The following UNC13C variants were observed in gnomAD, a reference collection of about 807,000 sequenced individuals.
The protein encoded by UNC13C is unc-13 homolog C, also known as protein unc-13 homolog C.
UNC13C carries 174 observed loss-of-function variants against 245.4 expected under a neutral mutation model. The ratio of observed to expected loss-of-function variants is 0.71; its 90% CI spans 0.63 to 0.80. The LOEUF (loss-of-function observed/expected upper bound fraction) is 0.80, where lower values mean the gene tolerates loss of function less well. Ranked by LOEUF, UNC13C falls within the 30% of genes least tolerant of loss-of-function variation. The pLI is 0.00. For missense variants in UNC13C, 2,829 were observed against 2,602.9 expected, an observed-to-expected ratio of 1.09 and a Z score of -1.89; for synonymous variants, 992 against 895.1, an observed-to-expected ratio of 1.11 and a Z score of -1.93.
intron 24 of UNC13C, among the ~76,000 whole-genome samples, chr15:54,517,449 G>T (rs1235077110): frequency 6.6e-6 from 1 of 152,018 alleles, no homozygotes; most frequent in African/African-American, 2.4e-5. Context: ...TTAATGCCTG[G>T]GGTCTCAAGG....
chr15:53,992,123 A>G (rs968126742), intron 1 of UNC13C, among the ~76,000 whole-genome samples: 3 of 152,024 alleles, frequency 2.0e-5, no homozygotes, highest in African/African-American at 7.2e-5. Context: ...CATGCCTCCT[A>G]TGGGTCCTTG....
At chr15:54,308,620 A>G (rs2037786701) in intron 13 of UNC13C, among the ~76,000 whole-genome samples, 2 of 151,820 alleles carry the variant, frequency 1.3e-5, no homozygotes, top group African/African-American at 2.4e-5. Flanking sequence ...CCAAGTGAAA[A>G]TTTTTATGCT....
downstream of UNC13C, chr15:54,632,691 T>G (rs1901477351): frequency 6.6e-6 from 1 of 152,236 alleles, no homozygotes; most frequent in African/African-American, 2.4e-5. Context: ...ACCAAATGTG[T>G]GTGAGTCCAT....
chr15:54,505,962 G>T (rs1032630432), intron 22 of UNC13C, among the ~76,000 whole-genome samples: 18 of 151,954 alleles, frequency 1.2e-4, no homozygotes, highest in Non-Finnish European at 1.5e-5. Context: ...TAGGCCATAG[G>T]GCATACTTCA....
chr15:54,013,858 G>A lies in UNC13C; in HGVS notation c.955G>A (p.Ala319Thr). The A allele has an allele frequency of 6.2e-7, 1 of 1,613,470 alleles. No homozygotes were observed. The highest frequency in any genetic ancestry group is 8.5e-7 in the Non-Finnish European group (1 of 1,179,722). ...IKHLGHMGSKASLRFLNVTEE... is the reference protein window; with the variant it reads ...IKHLGHMGSKTSLRFLNVTEE... ...GCACTTAGGTCATATGGGTAGCAAGGCAAGCCTGAGATTTTTAAATGTGAC... is the reference window on the plus strand; with the variant it reads ...GCACTTAGGTCATATGGGTAGCAAGACAAGCCTGAGATTTTTAAATGTGAC... Residue 319 changes from alanine (A) to threonine (T), a missense_variant, in exon 2 of 33, where the codon GCA becomes ACA. Transcript: ENST00000260323.
chr15:54,028,684 C>CTTTTTTGTTTTT, intron 2 of UNC13C, among the ~76,000 whole-genome samples: 1 of 87,082 alleles, frequency 1.1e-5, no homozygotes, highest in Non-Finnish European at 2.0e-5. Flanking sequence ...GCCTACAAGT[C>CTTTTTTGTTTTT]TTTTTTTTTT....
intron 14 of UNC13C, among the ~76,000 whole-genome samples, chr15:54,327,737 G>A (rs867354890): frequency 1.1e-4 from 17 of 152,140 alleles, no homozygotes; most frequent in Middle Eastern, 3.4e-3. Context: ...GTAATTTTGA[G>A]TCTGTAATTT....
intron 2 of UNC13C, among the ~76,000 whole-genome samples, chr15:54,119,045 T>C (rs2030480147): frequency 6.6e-6 from 1 of 151,464 alleles, no homozygotes; most frequent in African/African-American, 2.4e-5. Flanking sequence ...TCCAGTTTTT[T>C]GTTTTTTTTT....
intron 19 of UNC13C, among the ~76,000 whole-genome samples, chr15:54,481,426 A>G (rs761689786): frequency 6.6e-6 from 1 of 152,100 alleles, no homozygotes; most frequent in South Asian, 2.1e-4. Flanking sequence ...CTCCTGGATG[A>G]CATGCACATG....
intron 4 of UNC13C, among the ~76,000 whole-genome samples, chr15:54,218,328 A>T (rs911981638): frequency 6.6e-6 from 1 of 151,946 alleles, no homozygotes; most frequent in Non-Finnish European, 1.5e-5. Flanking sequence ...CCTGAAGTTA[A>T]GGGTTACAGA....
rs1165484476 is a variant in UNC13C at position 54,203,503 on chromosome 15, T to TACAC, written c.3072-31513_3072-31510dup. 5.2e-3 allele frequency among the ~76,000 whole-genome samples: 707 copies of TACAC among 135,326 alleles called. 5 individuals carry two copies. The highest frequency in any genetic ancestry group is 0.02 in the African/African-American group (663 of 33,370). 88.8% of individuals were successfully genotyped at this position (135,326 alleles called of 152,430 possible). On this transcript the variant is annotated intron_variant, in intron 4 of 32. Transcript: ENST00000260323. ...GTGTGTGTATATATATATATATATATACACACACACACACACATATATATG... is the reference window on the plus strand; with the variant it reads ...GTGTGTGTATATATATATATATATATACACACACACACACACACACATATATATG...
chr15:54,137,478 T>C (rs916075715), intron 2 of UNC13C, among the ~76,000 whole-genome samples: 10 of 152,224 alleles, frequency 6.6e-5, no homozygotes, highest in Admixed American at 1.3e-4. Flanking sequence ...TGAGAGATAA[T>C]TGATGACTAC....
At chr15:54,394,578 G>A (rs1293565751) in intron 18 of UNC13C, among the ~76,000 whole-genome samples, 3 of 151,758 alleles carry the variant, frequency 2.0e-5, no homozygotes, top group Non-Finnish European at 4.4e-5. Context: ...GTAGTTTTCT[G>A]AAAGATTGGG....
chr15:54,623,615 A>T (rs1192174110), intron 31 of UNC13C, among the ~76,000 whole-genome samples, 180 bp from the exon 32 acceptor site: 1 of 152,220 alleles, frequency 6.6e-6, no homozygotes, highest in Non-Finnish European at 1.5e-5. Context: ...CTTAAAGCTG[A>T]AAGCTCCATC....
chr15:54,522,010 G>A lies in UNC13C; in HGVS notation c.5458-3539G>A, dbSNP rs569778841. ...ATTTAGAGAGAACACTGCATACACA[G>A]TTATAGTAAAGAGCATAGTCAGTGT... On this transcript the variant is annotated intron_variant, in intron 24 of 32. Coordinates refer to ENST00000260323, the MANE Select transcript of UNC13C (RefSeq NM_001080534.3). Among the ~76,000 whole-genome samples, 3 of 152,290 alleles carry A rather than the reference G, an allele frequency of 2.0e-5. No individual in the cohort carries two copies. The East Asian group carries it at 5.8e-4, about 29-fold the overall frequency.
intron 8 of UNC13C, among the ~76,000 whole-genome samples, chr15:54,258,287 C>T (rs759213112): frequency 3.3e-5 from 5 of 152,062 alleles, no homozygotes; most frequent in Admixed American, 6.5e-5. Flanking sequence ...AGACACCGTC[C>T]GCGTGAGAGT....
chr15:53,919,403 G>C, the UNC13C span, among the ~76,000 whole-genome samples: 1 of 152,238 alleles, frequency 6.6e-6, no homozygotes, highest in East Asian at 1.9e-4. Context: ...GTGAATCAGC[G>C]CTCTTAGGGT....
chr15:53,979,142 G>T (rs1025773675), intron 1 of UNC13C, among the ~76,000 whole-genome samples: 1 of 148,980 alleles, frequency 6.7e-6, no homozygotes, highest in Non-Finnish European at 1.5e-5. Context: ...TTTAAAAAAA[G>T]AATTCAGAAT....
At chr15:54,086,340 T>C (rs1899237642) in intron 2 of UNC13C, among the ~76,000 whole-genome samples, 1 of 152,212 alleles carries the variant, frequency 6.6e-6, no homozygotes, top group African/African-American at 2.4e-5. Context: ...CTATAGGACA[T>C]TCAAAAAAGT....
Sources: gnomAD v4.1 joint callset for allele counts (sites outside exome capture counted in the v4.1 genomes callset) on GRCh38, gnomAD v4.1.1 for gene constraint, MANE v1.5 for transcripts, NCBI Gene and HGNC (gene_info 2026-07-23, HGNC 2026-07-21) for gene names.